Variants in MPND observed in about 807,000 individuals in gnomAD.
MPND encodes MPN domain-containing protein.
Under a neutral mutation model 59.2 loss-of-function variants are expected in MPND, and 56 were observed. The observed-to-expected ratio is 0.95, with a 90% CI of 0.76 to 1.18. The LOEUF (loss-of-function observed/expected upper bound fraction) is 1.18. Among genes scored for constraint, MPND ranks in the 50% most tolerant of loss-of-function variants. MPND has a pLI of 0.00. For missense variants in MPND, 671 were observed against 676.0 expected (o/e 0.99, Z 0.08); for synonymous variants, 323 against 291.9 (o/e 1.11, Z -1.09).
chr19:4,346,120 C>T, intron 3 of MPND, 139 bp downstream of exon 3: 3 of 712,054 alleles, frequency 4.2e-6, no homozygotes, highest in Non-Finnish European at 7.0e-6. Flanking sequence ...TGACATGCCT[C>T]CTCCATCCCT....
rs1972400347 is a variant in MPND, at chr19:4,354,954, C to A, written c.852C>A (p.Phe284Leu). The A allele has an allele frequency of 6.3e-7, 1 of 1,592,908 alleles. No homozygotes were observed. The highest frequency in any genetic ancestry group is 2.2e-5 in the East Asian group (1 of 44,566). ...VSSNVLFLLD[F>L]HSHLTRSEVV... ...GCTGTTCCTCCCTTCCCCAGGACTT[C>A]CACAGTCACCTGACACGGAGTGAGG... Residue 284 changes from phenylalanine (F) to leucine (L), a missense_variant, in exon 7 of 13, where the codon TTC (phenylalanine) becomes TTA (leucine). Transcript: ENST00000599840.
At chr19:4,352,817 G>A in intron 3 of MPND, 80 bp from the exon 4 acceptor site, 1 of 1,288,240 alleles carries the variant, frequency 7.8e-7, no homozygotes. Context: ...AGGCCAAAGG[G>A]CTGGGGTGGG....
chr19:4,354,900 G>A, intron 6 of MPND, 49 bp from the exon 7 acceptor site: 1 of 1,524,462 alleles, frequency 6.6e-7, no homozygotes. Flanking sequence ...CCAGTGTTGG[G>A]GCAGGGCCAC....
At chr19:4,345,391 A>G (rs1972163943) in intron 2 of MPND, among the ~76,000 whole-genome samples, 1 of 152,112 alleles carries the variant, frequency 6.6e-6, no homozygotes, top group South Asian at 2.1e-4. Context: ...TGATTTGTGA[A>G]TGGTAGCACA....
At position 4,343,963 on chromosome 19, in the gene MPND, C is replaced by T. The variant is rs1268731586; in HGVS notation, c.263C>T (p.Pro88Leu). The change falls in exon 2 of 13, where the codon CCT (proline) becomes CTT (leucine). Residue 88 changes from proline (P) to leucine (L), a missense_variant. Coordinates refer to ENST00000599840, the MANE Select transcript of MPND (RefSeq NM_001300862.2). ...CTCCTCAAAGACGCGCTGCTGGAGC[C>T]TGGCGCCGGGGTGCTGTCCATCTAC... The part of the protein sequence containing the change: ...RVLLKDALLE[P>L]GAGVLSIYYL... 4 of 1,385,726 alleles carry T rather than the reference C, an allele frequency of 2.9e-6. No homozygotes were observed. Among genetic ancestry groups the T allele is most frequent in the Non-Finnish European group, 3.7e-6 (4 of 1,069,120 alleles). The allele number at this position is 1,385,726 out of a possible 1,614,324, so 85.8% of individuals were successfully genotyped here.
chr19:4,344,735 C>CTTTTT (rs369442146), intron 2 of MPND, among the ~76,000 whole-genome samples: 2 of 126,982 alleles, frequency 1.6e-5, no homozygotes, highest in Non-Finnish European at 3.3e-5. Context: ...GGTATTAGTA[C>CTTTTT]TTTTTTTTTT....
At position 4,357,598 on chromosome 19, in the gene MPND, G is replaced by A; in HGVS notation, c.1236+13G>A. ...GCCTCCTCCCGAGGTAGGTGGGGCTGTTGGGAGAGCCTGGGGGGCCCGGGA... is the reference window on the plus strand; with the variant it reads ...GCCTCCTCCCGAGGTAGGTGGGGCTATTGGGAGAGCCTGGGGGGCCCGGGA... On this transcript the variant is annotated intron_variant, in intron 10 of 12. Coordinates refer to ENST00000599840, the MANE Select transcript of MPND (RefSeq NM_001300862.2). 2.5e-6 allele frequency: 4 copies of A among 1,603,840 alleles called. No homozygotes were observed. Among genetic ancestry groups the A allele is most frequent in the Non-Finnish European group, 2.6e-6 (3 of 1,175,086 alleles).
At chr19:4,344,051 G>T in intron 2 of MPND, 57 bp downstream of exon 2, 1 of 1,194,582 alleles carries the variant, frequency 8.4e-7, no homozygotes, top group Non-Finnish European at 1.1e-6. Context: ...GGAAACTGAG[G>T]CCTGGAGTTC....
chr19:4,343,879 C>A lies in MPND; in HGVS notation c.179C>A (p.Ala60Glu). The change falls in exon 2 of 13, where the codon GCG becomes GAG. Residue 60 changes from alanine to glutamate, a missense_variant. Ala to Glu is a moderately radical substitution (Grantham distance 107, BLOSUM62 -1). Coordinates refer to ENST00000599840, the MANE Select transcript of MPND (RefSeq NM_001300862.2). The stretch of plus-strand genomic sequence containing the variant: ...GGAGGCGGCGGCGGCGGGGCCGGGG[C>A]GGGGGGCTGCGGCGGGCCCGGGGGC... ...SGGGGGGGAGAGGCGGPGGAL... is the reference protein window; with the variant it reads ...SGGGGGGGAGEGGCGGPGGAL... The A allele has an allele frequency of 9.5e-7, 1 of 1,051,782 alleles. No individual in the cohort carries two copies. The allele number at this position is 1,051,782 out of a possible 1,614,324, so 65.2% of individuals were successfully genotyped here. A position where few individuals can be genotyped will look rare whatever the true frequency, so the allele number is the denominator to read the frequency against.
rs745832290 is a variant in MPND, at chr19:4,345,900, C to T, written c.450C>T (p.Tyr150=). Residue 150 remains tyrosine, a synonymous_variant, in exon 3 of 13, where the codon TAC becomes TAT. Coordinates refer to ENST00000599840, the MANE Select transcript of MPND (RefSeq NM_001300862.2). ...KSGCGWASVK[Y]KGQKLDKYKA... is the part of the protein sequence containing the mutation. ...GCTGTGGCTGGGCCTCTGTCAAGTA[C>T]AAAGGCCAGAAACTGGACAAGTACA... The T allele has an allele frequency of 6.2e-7, 1 of 1,613,944 alleles. No homozygotes were observed. Among genetic ancestry groups the T allele is most frequent in the Non-Finnish European group, 8.5e-7 (1 of 1,180,040 alleles).
intron 10 of MPND, 141 bp downstream of exon 10, chr19:4,357,726 T>G (rs1972474829): frequency 1.3e-6 from 1 of 796,732 alleles, no homozygotes; most frequent in Admixed American, 2.8e-5. Context: ...GGGACGTGAC[T>G]GCTGCCCTGC....
intron 8 of MPND, 57 bp from the exon 9 acceptor site, chr19:4,357,196 A>C: frequency 6.6e-7 from 1 of 1,508,884 alleles, no homozygotes; most frequent in Non-Finnish European, 8.9e-7. Flanking sequence ...CCAGCCACAT[A>C]AGCTCACTAG....
Position 4,352,953 on chromosome 19 carries a change from C to G in MPND, c.588C>G (p.Asp196Glu), listed in dbSNP as rs769500746. The G allele has an allele frequency of 4.3e-6, 6 of 1,404,862 alleles. No homozygotes were observed. The highest frequency in any genetic ancestry group is 2.7e-5 in the East Asian group (1 of 36,642). 87.0% of individuals were successfully genotyped at this position (1,404,862 alleles called of 1,614,324 possible). The part of the protein sequence containing the change: ...EELLMEEEEE[D>E]VLAGVSAEDK... ...TGCTGATGGAAGAGGAGGAGGAGGA[C>G]GTTCTGGCAGGGGTCTCAGCAGAGG... Residue 196 changes from aspartate to glutamate, a missense_variant, in exon 4 of 13, where the codon GAC (aspartate) becomes GAG (glutamate). By Grantham distance (45) the Asp-to-Glu change is conservative. Transcript: ENST00000599840.
intron 6 of MPND, 57 bp from the exon 7 acceptor site, chr19:4,354,890 CCA>C: frequency 6.7e-7 from 1 of 1,494,094 alleles, no homozygotes; most frequent in South Asian, 1.3e-5. Flanking sequence ...CAGGCTGGCT[CCA>C]GTGTTGGGGC....
rs116912638 is a variant in MPND, at chr19:4,358,751, C to T, written c.1327-412C>T. ...ACAGTGAGCCGAGATCACGCCACTGCGCTCCAGTCTGGGCCACAGAGTGAG... is the reference window on the plus strand; with the variant it reads ...ACAGTGAGCCGAGATCACGCCACTGTGCTCCAGTCTGGGCCACAGAGTGAG... On this transcript the variant is annotated intron_variant, in intron 11 of 12. Coordinates refer to ENST00000599840, the MANE Select transcript of MPND (RefSeq NM_001300862.2). 2.2e-4 allele frequency among the ~76,000 whole-genome samples: 34 copies of T among 152,298 alleles called. No homozygotes were observed. In the South Asian group the frequency reaches 3.9e-3, roughly 18 times the overall value.
intron 3 of MPND, among the ~76,000 whole-genome samples, chr19:4,346,537 C>T (rs1367314155): frequency 1.3e-5 from 2 of 152,010 alleles, no homozygotes; most frequent in African/African-American, 4.8e-5. Context: ...CCCACCTCAG[C>T]CTCCCTAGTA....
chr19:4,358,239 C>G, intron 11 of MPND, 67 bp downstream of exon 11: 1 of 1,388,662 alleles, frequency 7.2e-7, no homozygotes, highest in Non-Finnish European at 9.9e-7. Context: ...ATGCGTTGGT[C>G]TGCTTCCCAC....
At chr19:4,349,017 C>T (rs927420642) in intron 3 of MPND, 5 of 216,846 alleles carry the variant, frequency 2.3e-5, no homozygotes, top group Non-Finnish European at 3.9e-5. Context: ...ATCACTGTTA[C>T]TTGCATCAGC....
chr19:4,344,355 C>T (rs1041061267), intron 2 of MPND, among the ~76,000 whole-genome samples: 3 of 146,718 alleles, frequency 2.0e-5, no homozygotes, highest in Non-Finnish European at 4.5e-5. Context: ...TAGGACAAGC[C>T]CCAGTGTGGG....
Sources: gnomAD v4.1 joint callset for allele counts (sites outside exome capture counted in the v4.1 genomes callset) on GRCh38, gnomAD v4.1.1 for gene constraint, MANE v1.5 for transcripts, NCBI Gene and HGNC (gene_info 2026-07-23, HGNC 2026-07-21) for gene names.